The following AXIN1 variants were observed in gnomAD, a reference collection of about 807,000 sequenced individuals.
AXIN1 encodes axin 1, also known as axin-1.
In AXIN1, 30 loss-of-function variants were observed where a neutral mutation model predicts 76.4. The ratio of observed to expected loss-of-function variants is 0.39; its 90% CI spans 0.29 to 0.53. The LOEUF is 0.53. Among genes scored for constraint, AXIN1 ranks in the 20% least tolerant of loss-of-function variants. The pLI is 0.66. For synonymous variants in AXIN1, 545 were observed against 501.4 expected (o/e 1.09, Z -1.16); for missense variants, 1,140 against 1,198.8 (o/e 0.95, Z 0.72).
At chr16:290,115 G>T (rs1280367126) in intron 9 of AXIN1, 1 of 201,300 alleles carries the variant, frequency 5.0e-6, no homozygotes, top group Admixed American at 5.3e-5. Context: ...TGCCCAGGCT[G>T]AGCCGGGCCC....
intron 5 of AXIN1, among the ~76,000 whole-genome samples, chr16:298,554 C>T (rs1477122833): frequency 6.6e-6 from 1 of 152,230 alleles, no homozygotes; most frequent in African/African-American, 2.4e-5. Flanking sequence ...GTTGCCCAGG[C>T]TGGAGAACAG....
intron 3 of AXIN1, among the ~76,000 whole-genome samples, chr16:310,483 A>G (rs112627667): frequency 4.0e-5 from 6 of 150,914 alleles, no homozygotes; most frequent in African/African-American, 1.2e-4. Flanking sequence ...TGCAAGCTCC[A>G]CCTCCCGGGT....
intron 5 of AXIN1, among the ~76,000 whole-genome samples, 186 bp from the exon 6 acceptor site, chr16:298,437 C>T (rs1008502637): frequency 3.9e-5 from 6 of 152,230 alleles, no homozygotes; most frequent in Admixed American, 1.3e-4. Flanking sequence ...ACAGAAGGAG[C>T]GGAGACAGCA....
chr16:323,552 C>T (rs1317584550), intron 2 of AXIN1, among the ~76,000 whole-genome samples: 7 of 151,672 alleles, frequency 4.6e-5, no homozygotes, highest in Non-Finnish European at 8.8e-5. Context: ...GAGGCCGAGG[C>T]GGGTGGATCA....
At chr16:309,913 C>A in intron 4 of AXIN1, 60 bp downstream of exon 4, 1 of 1,554,710 alleles carries the variant, frequency 6.4e-7, no homozygotes, top group South Asian at 1.1e-5. Flanking sequence ...CGGACCAGTT[C>A]ACCAGGCCCA....
intron 4 of AXIN1, among the ~76,000 whole-genome samples, chr16:309,077 T>A (rs182095281): frequency 8.8e-4 from 134 of 152,226 alleles, no homozygotes; most frequent in Admixed American, 9.8e-4. Context: ...ACACCTGTAA[T>A]CCCAGCACTT....
At chr16:304,258 C>T (rs2141544274) in intron 5 of AXIN1, 46 bp downstream of exon 5, 2 of 1,602,816 alleles carry the variant, frequency 1.2e-6, no homozygotes, top group Non-Finnish European at 1.7e-6. Context: ...GGCAAGAAAA[C>T]AGCACGACAC....
intron 2 of AXIN1, among the ~76,000 whole-genome samples, chr16:337,017 G>A (rs1002323488): frequency 6.6e-6 from 1 of 151,024 alleles, no homozygotes; most frequent in Non-Finnish European, 1.5e-5. Context: ...GGGCATGGTG[G>A]CAGGCGCCTG....
At chr16:301,936 C>T (rs896089471) in intron 5 of AXIN1, among the ~76,000 whole-genome samples, 8 of 152,336 alleles carry the variant, frequency 5.3e-5, no homozygotes, top group Admixed American at 1.3e-4. Flanking sequence ...ATGATGCTGA[C>T]GTCACAGCCC....
chr16:345,146 G>T (rs1478756211), intron 2 of AXIN1, among the ~76,000 whole-genome samples: 4 of 151,670 alleles, frequency 2.6e-5, no homozygotes. Context: ...AGGGAAGGAA[G>T]AACGAAGAAA....
chr16:294,480 A>G (rs1281101466), intron 7 of AXIN1, among the ~76,000 whole-genome samples: 1 of 143,918 alleles, frequency 6.9e-6, no homozygotes, highest in African/African-American at 2.6e-5. Flanking sequence ...AAAAAAAAAA[A>G]AAAATGGCCA....
intron 10 of AXIN1, among the ~76,000 whole-genome samples, chr16:288,880 A>G (rs975727212): frequency 1.3e-5 from 2 of 152,238 alleles, no homozygotes; most frequent in Non-Finnish European, 2.9e-5. Flanking sequence ...GGAGCCTAAC[A>G]CAAGGTTCAG....
intron 2 of AXIN1, among the ~76,000 whole-genome samples, chr16:319,493 C>T (rs747946947): frequency 6.6e-6 from 1 of 152,162 alleles, no homozygotes; most frequent in Non-Finnish European, 1.5e-5. Context: ...TTGACAGCTA[C>T]AAGGACCCTA....
At chr16:311,907 C>T (rs1022081244) in intron 3 of AXIN1, among the ~76,000 whole-genome samples, 3 of 152,192 alleles carry the variant, frequency 2.0e-5, no homozygotes, top group African/African-American at 7.2e-5. Context: ...CCCAGGGCTG[C>T]GTGGCAGACA....
intron 2 of AXIN1, among the ~76,000 whole-genome samples, chr16:332,846 A>T (rs2053722797): frequency 6.6e-6 from 1 of 152,136 alleles, no homozygotes; most frequent in African/African-American, 2.4e-5. Context: ...TAAGTTCTAA[A>T]ATGAGAAATG....
chr16:316,314 G>C (rs151187515), intron 2 of AXIN1, among the ~76,000 whole-genome samples: 1 of 152,188 alleles, frequency 6.6e-6, no homozygotes. Context: ...TCAAAATGGA[G>C]ATACAGCTGT....
At chr16:325,153 G>A (rs2053553344) in intron 2 of AXIN1, among the ~76,000 whole-genome samples, 2 of 150,450 alleles carry the variant, frequency 1.3e-5, no homozygotes, top group Admixed American at 6.6e-5. Context: ...CCCCGCGGGC[G>A]GCCCCGCACC....
Position 293,327 on chromosome 16 carries a change from G to A in AXIN1, c.2186+161C>T. 1 of 728,816 alleles carries A rather than the reference G, an allele frequency of 1.4e-6. No homozygotes were observed. The highest frequency in any genetic ancestry group is 2.7e-5 in the East Asian group (1 of 36,858). The allele number at this position is 728,816 out of a possible 1,614,324, so 45.1% of individuals were successfully genotyped here. ...CCACCGCAGGGTGGCCTGCCACGTG[G>A]CCCCTCAGTGGTTCTCAGTGGATGG... On this transcript the variant is annotated intron_variant, in intron 8 of 10. Transcript: ENST00000262320. The surrounding 1 kb of genome is among the most constrained non-coding windows in gnomAD (Gnocchi z 4.6).
intron 5 of AXIN1, among the ~76,000 whole-genome samples, chr16:303,279 T>G (rs1442991893): frequency 6.6e-6 from 1 of 152,048 alleles, no homozygotes; most frequent in Non-Finnish European, 1.5e-5. Context: ...GTCTGCACCA[T>G]TTGCAGCGGG....
Sources: gnomAD v4.1 joint callset for allele counts (sites outside exome capture counted in the v4.1 genomes callset) on GRCh38, gnomAD v4.1.1 for gene constraint, Gnocchi (gnomAD v3.1) non-coding constraint, MANE v1.5 for transcripts, NCBI Gene and HGNC (gene_info 2026-07-23, HGNC 2026-07-21) for gene names.